Variants in SIK3 observed in about 807,000 individuals in gnomAD.
SIK3 encodes the protein SIK family kinase 3, also known as serine/threonine-protein kinase SIK3.
Under a neutral mutation model 144.2 loss-of-function variants are expected in SIK3, and 28 were observed. The ratio of observed to expected loss-of-function variants is 0.19; its 90% CI spans 0.14 to 0.27. SIK3 has a LOEUF of 0.27. Among genes scored for constraint, SIK3 ranks in the 10% least tolerant of loss-of-function variants. The pLI is 1.00. For missense variants in SIK3, 1,319 were observed against 1,776.0 expected (o/e 0.74, Z 4.62); for synonymous variants, 686 against 676.3 (o/e 1.01, Z -0.22).
At chr11:116,952,084 A>G (rs765996902) in intron 3 of SIK3, among the ~76,000 whole-genome samples, 3 of 152,080 alleles carry the variant, frequency 2.0e-5, no homozygotes, top group Non-Finnish European at 4.4e-5. Flanking sequence ...TTCTCCCCAA[A>G]TTACCATTGT....
At chr11:116,978,213 CA>C (rs5795058) in intron 1 of SIK3, among the ~76,000 whole-genome samples, 34 of 141,824 alleles carry the variant, frequency 2.4e-4, no homozygotes, top group Admixed American at 2.8e-4. Context: ...GACTCCGTCT[CA>C]AAAAAAAAAA....
intron 13 of SIK3, among the ~76,000 whole-genome samples, chr11:116,873,047 G>A (rs192844172): frequency 1.5e-4 from 23 of 152,338 alleles, no homozygotes; most frequent in Admixed American, 1.4e-3. Flanking sequence ...CATGTGAGGT[G>A]TGTTTATCAA....
chr11:116,856,710 CT>C (rs1457801126), intron 21 of SIK3, among the ~76,000 whole-genome samples: 1 of 152,164 alleles, frequency 6.6e-6, no homozygotes, highest in Admixed American at 6.5e-5. Context: ...CAATTCCCCC[CT>C]AAGAGCGCAT....
rs112565508 is a variant in SIK3, at chr11:116,896,246, C to A, written c.865+7G>T. On this transcript the variant is annotated splice_region_variant and intron_variant, in intron 6 of 24. Transcript: ENST00000445177. Reference sequence around the variant, plus strand: ...CATTCATAGCTGTGTGCTAGCGACTCCCTTACCTGTGGACATAAAAAATGG... The same window carrying A: ...CATTCATAGCTGTGTGCTAGCGACTACCTTACCTGTGGACATAAAAAATGG... 6.2e-7 allele frequency: 1 copy of A among 1,613,296 alleles called. No homozygotes were observed. The highest frequency in any genetic ancestry group is 8.5e-7 in the Non-Finnish European group (1 of 1,179,480).
chr11:116,883,295 G>A (rs138833242), intron 6 of SIK3, among the ~76,000 whole-genome samples: 8 of 152,280 alleles, frequency 5.3e-5, no homozygotes, highest in Non-Finnish European at 1.0e-4. Context: ...AAAACATGCT[G>A]TTTTTCCTCA....
chr11:117,018,839 G>A (rs959351025), intron 1 of SIK3, among the ~76,000 whole-genome samples: 1 of 151,766 alleles, frequency 6.6e-6, no homozygotes, highest in Non-Finnish European at 1.5e-5. Flanking sequence ...AGCCTCCTGA[G>A]TAGCTGGAAT....
At chr11:117,057,385 T>C (rs139221725) in intron 1 of SIK3, among the ~76,000 whole-genome samples, 33 of 152,312 alleles carry the variant, frequency 2.2e-4, no homozygotes, top group African/African-American at 7.2e-4. Flanking sequence ...TACAGGCACC[T>C]ATTCTTTTAA....
chr11:117,007,235 G>A (rs570868154), intron 1 of SIK3, among the ~76,000 whole-genome samples: 6 of 152,218 alleles, frequency 3.9e-5, no homozygotes, highest in Admixed American at 1.3e-4. Flanking sequence ...AAAATTATCC[G>A]GGCTGGGTGG....
At position 116,955,975 on chromosome 11, in the gene SIK3, C is replaced by A. The variant is rs1449681030; in HGVS notation, c.390+973G>T. Among the ~76,000 whole-genome samples the A allele has an allele frequency of 2.0e-5, 3 of 152,320 alleles. 1 individual carries two copies. Among genetic ancestry groups the A allele is most frequent in the East Asian group, 3.9e-4 (2 of 5,192 alleles). On this transcript the variant is annotated intron_variant, in intron 2 of 24. Coordinates refer to ENST00000445177, the MANE Select transcript of SIK3 (RefSeq NM_001366686.3). ...GCCCATAGAGCCTTGGGTGTACTTT[C>A]TCCACTTTTACACATGGTCCTATGT...
chr11:117,070,337 G>C (rs1954206707), intron 1 of SIK3, among the ~76,000 whole-genome samples: 1 of 152,180 alleles, frequency 6.6e-6, no homozygotes, highest in Admixed American at 6.5e-5. Context: ...TGTAATCCCA[G>C]CTACTCAGGA....
chr11:117,052,300 C>T (rs1953288171), intron 1 of SIK3, among the ~76,000 whole-genome samples: 1 of 152,042 alleles, frequency 6.6e-6, no homozygotes, highest in Non-Finnish European at 1.5e-5. Context: ...CAAAGTAAGG[C>T]TTTATAAATA....
rs187207653 is a variant in SIK3, at chr11:117,001,518, T to A, written c.274-44454A>T. ...AAGATTCCATCTCAAAAAAAAAAAATTTAAAATAAAGTAATTTGAGCTGGG... is the reference window on the plus strand; with the variant it reads ...AAGATTCCATCTCAAAAAAAAAAAAATTAAAATAAAGTAATTTGAGCTGGG... On this transcript the variant is annotated intron_variant, in intron 1 of 24. Coordinates refer to ENST00000445177, the MANE Select transcript of SIK3 (RefSeq NM_001366686.3). Among the ~76,000 whole-genome samples, 741 of 143,148 alleles carry A rather than the reference T, an allele frequency of 5.2e-3. 6 individuals are homozygous for A. The highest frequency in any genetic ancestry group is 0.018 in the African/African-American group (696 of 39,674). The allele number at this position is 143,148 out of a possible 152,430, so 93.9% of individuals were successfully genotyped here. A position where few individuals can be genotyped will look rare whatever the true frequency, so the allele number is the denominator to read the frequency against.
chr11:116,938,607 AGAGGAGAGGGGAGGG>A lies in SIK3; in HGVS notation c.455-11242_455-11228del, dbSNP rs1427198795. Among the ~76,000 whole-genome samples the A allele has an allele frequency of 5.6e-3, 96 of 17,080 alleles. 4 individuals are homozygous for A. Among genetic ancestry groups the A allele is most frequent in the African/African-American group, 0.011 (31 of 2,776 alleles). 11.2% of individuals were successfully genotyped at this position (17,080 alleles called of 152,430 possible). The stretch of plus-strand genomic sequence containing the variant: ...GGAGGAGAGGAGAGGGGAGGAGAGG[AGAGGAGAGGGGAGGG>A]GAGGAGAGGAGAGGAGAGGAGAGGA... On this transcript the variant is annotated intron_variant, in intron 3 of 24. Transcript: ENST00000445177.
chr11:117,023,375 T>C (rs1312816096), intron 1 of SIK3, among the ~76,000 whole-genome samples: 2 of 151,220 alleles, frequency 1.3e-5, no homozygotes, highest in African/African-American at 2.4e-5. Flanking sequence ...GAACTAATAT[T>C]GCAGGAAGAG....
At chr11:116,984,050 C>CAAAAAAAAA (rs35403684) in intron 1 of SIK3, among the ~76,000 whole-genome samples, 3 of 80,890 alleles carry the variant, frequency 3.7e-5, no homozygotes, top group Non-Finnish European at 5.2e-5. Context: ...GACCCTGACT[C>CAAAAAAAAA]AAAAAAAAAA....
intron 6 of SIK3, among the ~76,000 whole-genome samples, chr11:116,895,209 A>C (rs74881320): frequency 0.075 from 11,333 of 151,878 alleles, 504 homozygotes; most frequent in Middle Eastern, 0.11. Context: ...CCGTTCCTTC[A>C]CATGCAGCCA....
rs918876707 is a variant in SIK3 at position 116,876,017 on chromosome 11, G to A, written c.1096-8C>T. 1.2e-6 allele frequency: 2 copies of A among 1,613,278 alleles called. No individual in the cohort carries two copies. The highest frequency in any genetic ancestry group is 1.7e-5 in the Admixed American group (1 of 59,676). On this transcript the variant is annotated splice_polypyrimidine_tract_variant and splice_region_variant and intron_variant, in intron 8 of 24. Coordinates refer to ENST00000445177, the MANE Select transcript of SIK3 (RefSeq NM_001366686.3). Reference sequence around the variant, plus strand: ...GGCATCTGATCTTAATGACTACCAAGAGAGAAGGGAAAAGAGTACAAAACC... The same window carrying A: ...GGCATCTGATCTTAATGACTACCAAAAGAGAAGGGAAAAGAGTACAAAACC...
At chr11:117,017,658 A>G (rs1037293677) in intron 1 of SIK3, among the ~76,000 whole-genome samples, 9 of 152,030 alleles carry the variant, frequency 5.9e-5, no homozygotes, top group East Asian at 1.9e-4. Context: ...ATTCTAGTAG[A>G]AAAAAAACTG....
intron 1 of SIK3, among the ~76,000 whole-genome samples, chr11:117,013,905 G>GTGTGTGTGTGTGTGTGTGTGT (rs1555127056): frequency 3.4e-4 from 16 of 47,316 alleles, no homozygotes; most frequent in East Asian, 1.3e-3. Context: ...TCTGAGGGGG[G>GTGTGTGTGTGTGTGTGTGTGT]GGGGGGGAGG....
Sources: gnomAD v4.1 joint callset for allele counts (sites outside exome capture counted in the v4.1 genomes callset) on GRCh38, gnomAD v4.1.1 for gene constraint, MANE v1.5 for transcripts, NCBI Gene and HGNC (gene_info 2026-07-23, HGNC 2026-07-21) for gene names.